TTC21B: variants seen among roughly 807,000 people sequenced by gnomAD.
The protein encoded by TTC21B is tetratricopeptide repeat domain 21B, also known as tetratricopeptide repeat protein 21B.
In TTC21B, 127 loss-of-function variants were observed where a neutral mutation model predicts 175.1. The ratio of observed to expected loss-of-function variants is 0.73; its 90% CI spans 0.63 to 0.84. The LOEUF (loss-of-function observed/expected upper bound fraction) is 0.84, where lower values mean the gene tolerates loss of function less well. Among genes scored for constraint, TTC21B ranks in the 40% least tolerant of loss-of-function variants. TTC21B has a pLI of 0.00. For missense variants in TTC21B, 1,561 were observed against 1,558.3 expected, an observed-to-expected ratio of 1.00 and a Z score of -0.03; for synonymous variants, 524 against 524.5, an observed-to-expected ratio of 1.00 and a Z score of 0.01.
intron 26 of TTC21B, 149 bp downstream of exon 26, chr2:165,883,645 T>G: frequency 1.5e-6 from 1 of 681,492 alleles, no homozygotes; most frequent in Non-Finnish European, 2.5e-6. Context: ...TTATTATTAA[T>G]GCTTGTTTCC....
At chr2:165,891,858 T>C (rs1685207594) in intron 22 of TTC21B, among the ~76,000 whole-genome samples, 1 of 152,096 alleles carries the variant, frequency 6.6e-6, no homozygotes, top group South Asian at 2.1e-4. Flanking sequence ...GTGCTTTCTT[T>C]CATATATTTG....
intron 22 of TTC21B, among the ~76,000 whole-genome samples, chr2:165,898,092 G>A (rs1395948693): frequency 6.6e-6 from 1 of 152,152 alleles, no homozygotes; most frequent in African/African-American, 2.4e-5. Flanking sequence ...TAATTGGGAG[G>A]GGATGAGAGT....
chr2:165,876,401 GA>G (rs1288866967), intron 27 of TTC21B, among the ~76,000 whole-genome samples, 169 bp from the exon 28 acceptor site: 1 of 152,186 alleles, frequency 6.6e-6, no homozygotes, highest in East Asian at 1.9e-4. Context: ...AAGACAGAGT[GA>G]CACAAAAGAA....
At chr2:165,895,114 T>C (rs1685320416) in intron 22 of TTC21B, among the ~76,000 whole-genome samples, 1 of 152,132 alleles carries the variant, frequency 6.6e-6, no homozygotes, top group Non-Finnish European at 1.5e-5. Flanking sequence ...GAGGGATATA[T>C]TTTAGATTAT....
Position 165,931,755 on chromosome 2 carries a change from C to CA in TTC21B, c.894+2dup. 6.2e-7 allele frequency: 1 copy of CA among 1,611,608 alleles called. No individual in the cohort carries two copies. The highest frequency in any genetic ancestry group is 8.5e-7 in the Non-Finnish European group (1 of 1,177,880). The stretch of plus-strand genomic sequence containing the variant: ...AGCTCTGGTACATGGTAGGCACTCT[C>CA]ACAGTTCTGCTGAAGGCGAGTGTAA... On this transcript the variant is annotated splice_region_variant and intron_variant, in intron 8 of 28. Transcript: ENST00000243344.
intron 19 of TTC21B, among the ~76,000 whole-genome samples, chr2:165,905,578 C>A (rs1433058416): frequency 2.0e-5 from 3 of 152,092 alleles, no homozygotes; most frequent in Non-Finnish European, 4.4e-5. Context: ...TTTTAAATAA[C>A]TTAATTCACC....
chr2:165,900,194 C>T (rs1685510942), intron 20 of TTC21B, among the ~76,000 whole-genome samples: 1 of 152,032 alleles, frequency 6.6e-6, no homozygotes, highest in Non-Finnish European at 1.5e-5. Flanking sequence ...CAAGTCAGGT[C>T]CCTTCTACCT....
chr2:165,888,480 T>C lies in TTC21B; in HGVS notation c.3264-6A>G, dbSNP rs1685082857. The C allele has an allele frequency of 1.2e-6, 2 of 1,604,342 alleles. No individual in the cohort carries two copies. The highest frequency in any genetic ancestry group is 1.7e-6 in the Non-Finnish European group (2 of 1,172,256). On this transcript the variant is annotated splice_region_variant and splice_polypyrimidine_tract_variant and intron_variant, in intron 24 of 28. Coordinates refer to ENST00000243344, the MANE Select transcript of TTC21B (RefSeq NM_024753.5). ...CTTGCTTCTCAGTTGAATTACTGTA[T>C]ATAATTAAAAATAAATCACTTCTGT...
chr2:165,940,141 A>T (rs1463317626), intron 6 of TTC21B, among the ~76,000 whole-genome samples: 1 of 152,142 alleles, frequency 6.6e-6, no homozygotes, highest in Non-Finnish European at 1.5e-5. Context: ...ACACCTAAAC[A>T]AAATGCTACA....
At position 165,927,023 on chromosome 2, in the gene TTC21B, AGTAGTTATATATATATATATGTG is replaced by A. The variant is rs1574115039; in HGVS notation, c.1386+2089_1386+2111del. On this transcript the variant is annotated intron_variant, in intron 11 of 28. Coordinates refer to ENST00000243344, the MANE Select transcript of TTC21B (RefSeq NM_024753.5). ...ATATATATATATATATATATCTCCTAGTAGTTATATATATATATATGTGTATATATATATATCCTAGTAGATAT... is the reference window on the plus strand; with the variant it reads ...ATATATATATATATATATATCTCCTATATATATATATATCCTAGTAGATAT... Among the ~76,000 whole-genome samples, 33 of 61,978 alleles carry A rather than the reference AGTAGTTATATATATATATATGTG, an allele frequency of 5.3e-4. 1 individual carries two copies. The highest frequency in any genetic ancestry group is 1.2e-3 in the African/African-American group (16 of 13,778). The allele number at this position is 61,978 out of a possible 152,430, so 40.7% of individuals were successfully genotyped here.
chr2:165,887,020 C>A (rs72885081), intron 25 of TTC21B, among the ~76,000 whole-genome samples: 205 of 152,284 alleles, frequency 1.3e-3, no homozygotes, highest in Non-Finnish European at 2.6e-3. Context: ...TGCTGTCCTG[C>A]TGTTTTATTC....
intron 18 of TTC21B, among the ~76,000 whole-genome samples, chr2:165,908,482 A>G (rs549026463): frequency 1.2e-4 from 19 of 152,306 alleles, no homozygotes; most frequent in Middle Eastern, 3.4e-3. Flanking sequence ...GTGTCTAAGA[A>G]CAATAAAAGA....
At chr2:165,950,276 T>C (rs1687721073) in intron 1 of TTC21B, among the ~76,000 whole-genome samples, 1 of 152,224 alleles carries the variant, frequency 6.6e-6, no homozygotes. Context: ...ATAAATAAAC[T>C]ATTTTTCAAT....
chr2:165,875,206 T>C (rs1007246618), intron 28 of TTC21B, among the ~76,000 whole-genome samples: 3 of 152,172 alleles, frequency 2.0e-5, no homozygotes, highest in African/African-American at 7.2e-5. Context: ...ACATTAGCTT[T>C]ACCTGAAATG....
At chr2:165,939,387 TAC>T (rs1322545488) in intron 6 of TTC21B, among the ~76,000 whole-genome samples, 1 of 152,236 alleles carries the variant, frequency 6.6e-6, no homozygotes, top group Non-Finnish European at 1.5e-5. Context: ...ATGCAATTTA[TAC>T]TTCATTTGTA....
intron 18 of TTC21B, among the ~76,000 whole-genome samples, chr2:165,908,746 T>C (rs1022185208): frequency 6.6e-6 from 1 of 152,136 alleles, no homozygotes; most frequent in African/African-American, 2.4e-5. Context: ...AATGAAAGCA[T>C]TTATGTTACA....
chr2:165,940,303 G>A (rs1353693742), intron 6 of TTC21B, among the ~76,000 whole-genome samples: 1 of 152,164 alleles, frequency 6.6e-6, no homozygotes, highest in Non-Finnish European at 1.5e-5. Context: ...ACATGGCAGA[G>A]TGATTCTTTT....
At chr2:165,930,028 G>C in intron 9 of TTC21B, 144 bp downstream of exon 9, 1 of 635,712 alleles carries the variant, frequency 1.6e-6, no homozygotes, top group South Asian at 2.0e-5. Context: ...AAATTTTAAA[G>C]ACATGACTTT....
chr2:165,898,798 T>C lies in TTC21B; in HGVS notation c.2869-31A>G, dbSNP rs113557815. ...AAGATAAAAGTTGGTTCTAAAAATATTGCCATGTATTTTACACAACATGTT... is the reference window on the plus strand; with the variant it reads ...AAGATAAAAGTTGGTTCTAAAAATACTGCCATGTATTTTACACAACATGTT... On this transcript the variant is annotated intron_variant, in intron 21 of 28. Coordinates refer to ENST00000243344, the MANE Select transcript of TTC21B (RefSeq NM_024753.5). The C allele has an allele frequency of 2.0e-4, 267 of 1,336,146 alleles. 1 individual carries two copies. The African/African-American group carries it at 2.9e-3, about 14-fold the overall frequency. 82.8% of individuals were successfully genotyped at this position (1,336,146 alleles called of 1,614,324 possible).
Sources: gnomAD v4.1 joint callset for allele counts (sites outside exome capture counted in the v4.1 genomes callset) on GRCh38, gnomAD v4.1.1 for gene constraint, MANE v1.5 for transcripts, NCBI Gene and HGNC (gene_info 2026-07-23, HGNC 2026-07-21) for gene names.